The following FST variants were observed in gnomAD, a reference collection of about 807,000 sequenced individuals.
FST encodes the protein activin-binding protein.
FST carries 6 observed loss-of-function variants against 38.4 expected under a neutral mutation model. That is an observed-to-expected ratio of 0.16 (90% confidence interval 0.09 to 0.31). The LOEUF (loss-of-function observed/expected upper bound fraction) is 0.31. Ranked by LOEUF, FST falls within the 10% of genes least tolerant of loss-of-function variation. FST has a pLI of 1.00. For missense variants in FST, 301 were observed against 432.3 expected (o/e 0.70, Z 2.69); for synonymous variants, 157 against 169.8 (o/e 0.92, Z 0.59).
At chr5:53,482,739 CCGCG>C (rs1579763009) in intron 1 of FST, 137 bp from the exon 2 acceptor site, 2 of 576,260 alleles carry the variant, frequency 3.5e-6, no homozygotes, top group East Asian at 6.1e-5. Flanking sequence ...TACTTTTCTC[CCGCG>C]TCTCTCTCAC....
chr5:53,483,135 A>T lies in FST; in HGVS notation c.277+64A>T. On this transcript the variant is annotated intron_variant, in intron 2 of 5. Transcript: ENST00000256759. The surrounding 1 kb of genome is among the most constrained non-coding windows in gnomAD (Gnocchi z 4.1). ...AGGGCGTCTTACCCTTAGCTTCCCC[A>T]CTACCTGACTGGGGTTTGGGAGTAG... The T allele has an allele frequency of 9.2e-7, 1 of 1,087,712 alleles. No individual in the cohort carries two copies. Among genetic ancestry groups the T allele is most frequent in the Middle Eastern group, 2.1e-4 (1 of 4,822 alleles). 67.4% of individuals were successfully genotyped at this position (1,087,712 alleles called of 1,614,324 possible).
rs759565131 is a variant in FST, at chr5:53,483,611, G to T, written c.385G>T (p.Gly129Cys). Reference sequence around the variant, plus strand: ...GGATTGTTCCAACATCACCTGGAAGGGTCCAGTCTGCGGGCTGGATGGGAA... The same window carrying T: ...GGATTGTTCCAACATCACCTGGAAGTGTCCAGTCTGCGGGCTGGATGGGAA... ...APDCSNITWK[G>C]PVCGLDGKTY... Residue 129 changes from glycine to cysteine, a missense_variant, in exon 3 of 6, where the codon GGT (glycine) becomes TGT (cysteine). Gly to Cys is a radical substitution (Grantham distance 159, BLOSUM62 -3). Coordinates refer to ENST00000256759, the MANE Select transcript of FST (RefSeq NM_013409.3). This position sits in a 1 kb window ranked among gnomAD's most constrained non-coding sequence, Gnocchi z 4.1. 6.2e-7 allele frequency: 1 copy of T among 1,613,948 alleles called. No individual in the cohort carries two copies. The highest frequency in any genetic ancestry group is 1.1e-5 in the South Asian group (1 of 91,072).
At chr5:53,485,852 T>C in intron 5 of FST, 99 bp from the exon 6 acceptor site, 2 of 1,598,210 alleles carry the variant, frequency 1.3e-6, no homozygotes, top group South Asian at 1.1e-5. Flanking sequence ...AACGCTGTAA[T>C]ATGGCTGTAT....
chr5:53,481,557 GA>G (rs1166010172), intron 1 of FST, among the ~76,000 whole-genome samples: 2 of 144,140 alleles, frequency 1.4e-5, no homozygotes, highest in Non-Finnish European at 3.0e-5. Context: ...TCTTCTTTCT[GA>G]CCCTTAGCTT....
chr5:53,482,284 T>TTC (rs1219596931), intron 1 of FST, among the ~76,000 whole-genome samples: 27 of 152,034 alleles, frequency 1.8e-4, no homozygotes, highest in Admixed American at 2.0e-4. Context: ...TCTTTCTTTC[T>TTC]CTTTCTTTTC....
At chr5:53,482,302 CTCT>C (rs995145518) in intron 1 of FST, among the ~76,000 whole-genome samples, 11 of 145,678 alleles carry the variant, frequency 7.6e-5, no homozygotes, top group African/African-American at 1.8e-4. Flanking sequence ...TTCTTTCTTT[CTCT>C]TCTTTCTTTT....
intron 5 of FST, among the ~76,000 whole-genome samples, chr5:53,485,431 A>G (rs1747488149): frequency 6.6e-6 from 1 of 152,162 alleles, no homozygotes; most frequent in Non-Finnish European, 1.5e-5. Context: ...GTGATCATCA[A>G]TGGGGTTGCC....
rs780438493 is a variant in FST, at chr5:53,485,689, A to T, written c.953-262A>T. ...GAGCGCTTTTTATCTAATTTCAGGA[A>T]TCTGCCCGTAAAACCTGAGCCATTG... is the stretch of plus-strand genomic sequence containing the variant. On this transcript the variant is annotated intron_variant, in intron 5 of 5. Transcript: ENST00000256759. 3.1e-6 allele frequency: 5 copies of T among 1,602,200 alleles called. No homozygotes were observed. The East Asian group carries it at 8.9e-5, about 29-fold the overall frequency.
At position 53,486,056 on chromosome 5, in the gene FST, T is replaced by A. The variant is rs771355001; in HGVS notation, c.*23T>A. On this transcript the variant is annotated 3_prime_UTR_variant, in exon 6 of 6. Coordinates refer to ENST00000256759, the MANE Select transcript of FST (RefSeq NM_013409.3). Reference sequence around the variant, plus strand: ...TAAACTCTCTATAAGTGTTCAGTGTTGACATAGCCTTTGTGCAAAAAAAAA... The same window carrying A: ...TAAACTCTCTATAAGTGTTCAGTGTAGACATAGCCTTTGTGCAAAAAAAAA... 9 of 916,100 alleles carry A rather than the reference T, an allele frequency of 9.8e-6. No individual in the cohort carries two copies. The highest frequency in any genetic ancestry group is 1.1e-5 in the Non-Finnish European group (7 of 636,326). 56.7% of individuals were successfully genotyped at this position (916,100 alleles called of 1,614,324 possible).
intron 4 of FST, 117 bp from the exon 5 acceptor site, chr5:53,484,880 C>T (rs1747453998): frequency 1.6e-6 from 1 of 614,516 alleles, no homozygotes; most frequent in African/African-American, 1.9e-5. Flanking sequence ...TAGGCTATTA[C>T]TATTATGTTT....
intron 5 of FST, 173 bp from the exon 6 acceptor site, chr5:53,485,778 T>C (rs2112348078): frequency 1.3e-6 from 2 of 1,595,484 alleles, no homozygotes; most frequent in Non-Finnish European, 1.7e-6. Flanking sequence ...TTTTTTTAAC[T>C]TATTGCATAA....
intron 4 of FST, among the ~76,000 whole-genome samples, chr5:53,484,530 G>C (rs1747432929): frequency 6.6e-6 from 1 of 152,200 alleles, no homozygotes; most frequent in African/African-American, 2.4e-5. Context: ...TTCCGTCTTA[G>C]AAAACTTAGA....
intron 1 of FST, among the ~76,000 whole-genome samples, chr5:53,481,271 TAAAAA>T (rs113843581): frequency 7.1e-6 from 1 of 140,022 alleles, no homozygotes; most frequent in East Asian, 2.1e-4. Context: ...TTTGGATACT[TAAAAA>T]AAAAAAAGGA....
intron 1 of FST, among the ~76,000 whole-genome samples, chr5:53,482,270 TTTTTCTTTCTTTCTCTTTC>T (rs1352550249): frequency 1.3e-5 from 2 of 152,068 alleles, no homozygotes; most frequent in African/African-American, 2.4e-5. Flanking sequence ...TTTCTTCCTT[TTTTTCTTTCTTTCTCTTTC>T]TTTTCTTTCT....
chr5:53,486,176 A>C lies in FST; in HGVS notation c.*143A>C. The C allele has an allele frequency of 1.9e-6, 1 of 523,776 alleles. No homozygotes were observed. The highest frequency in any genetic ancestry group is 3.3e-5 in the East Asian group (1 of 30,006). The allele number at this position is 523,776 out of a possible 1,614,324, so 32.4% of individuals were successfully genotyped here. ...ATTTGGGGGGAAAACTATACATTAA[A>C]GGACCTTTGTCCTAAAGCTCTCTCC... On this transcript the variant is annotated 3_prime_UTR_variant, in exon 6 of 6. Coordinates refer to ENST00000256759, the MANE Select transcript of FST (RefSeq NM_013409.3).
chr5:53,482,841 T>G (rs771260839), intron 1 of FST, 39 bp from the exon 2 acceptor site: 1 of 1,353,544 alleles, frequency 7.4e-7, no homozygotes, highest in South Asian at 1.3e-5. Context: ...CACCGCTCAC[T>G]GCTCACTCAC....
intron 1 of FST, among the ~76,000 whole-genome samples, chr5:53,481,443 A>AC (rs1209473716): frequency 3.7e-5 from 4 of 107,244 alleles, no homozygotes. Flanking sequence ...GCTTCTTCCA[A>AC]CCCCATCCCC....
chr5:53,486,156 G>A lies in FST; in HGVS notation c.*123G>A, dbSNP rs897625934. On this transcript the variant is annotated 3_prime_UTR_variant, in exon 6 of 6. Coordinates refer to ENST00000256759, the MANE Select transcript of FST (RefSeq NM_013409.3). Reference sequence around the variant, plus strand: ...AAATAAGTGTATGCTTATTTATTTGGGGGGAAAACTATACATTAAAGGACC... The same window carrying A: ...AAATAAGTGTATGCTTATTTATTTGAGGGGAAAACTATACATTAAAGGACC... 7.2e-6 allele frequency: 4 copies of A among 554,262 alleles called. No homozygotes were observed. The highest frequency in any genetic ancestry group is 6.0e-5 in the African/African-American group (3 of 49,962). 34.3% of individuals were successfully genotyped at this position (554,262 alleles called of 1,614,324 possible).
In FST at chr5:53,485,932, C is replaced by G. The variant is rs1223850989; in HGVS notation, c.953-19C>G. 1 of 1,605,988 alleles carries G rather than the reference C, an allele frequency of 6.2e-7. No individual in the cohort carries two copies. The highest frequency in any genetic ancestry group is 8.5e-7 in the Non-Finnish European group (1 of 1,177,852). ...TTGTCCGTATTTAAACAACAGCTCCCCTGTATTCCCCCATCTAGCCATTTC... is the reference window on the plus strand; with the variant it reads ...TTGTCCGTATTTAAACAACAGCTCCGCTGTATTCCCCCATCTAGCCATTTC... On this transcript the variant is annotated intron_variant, in intron 5 of 5. Transcript: ENST00000256759.
Sources: allele counts gnomAD v4.1 joint callset (sites outside exome capture counted in the v4.1 genomes callset), GRCh38; gene constraint gnomAD v4.1.1; non-coding constraint Gnocchi (gnomAD v3.1); transcripts MANE v1.5; gene names NCBI Gene and HGNC (gene_info 2026-07-23, HGNC 2026-07-21).